The following SGK1 variants were observed in gnomAD, a reference collection of about 807,000 sequenced individuals.
SGK1 encodes the protein serine/threonine-protein kinase Sgk1.
In SGK1, 26 loss-of-function variants were observed where a neutral mutation model predicts 64.2. That is an observed-to-expected ratio of 0.40 (90% CI 0.30 to 0.56). The LOEUF (loss-of-function observed/expected upper bound fraction) is 0.56, where lower values mean the gene tolerates loss of function less well. Ranked by LOEUF, SGK1 falls within the 20% of genes least tolerant of loss-of-function variation. SGK1 has a pLI of 0.38. For missense variants in SGK1, 519 were observed against 645.6 expected (o/e 0.80, Z 2.12); for synonymous variants, 265 against 239.7 (o/e 1.11, Z -0.98).
intron 1 of SGK1, among the ~76,000 whole-genome samples, chr6:134,315,202 C>T (rs1023937553): frequency 2.0e-5 from 3 of 152,036 alleles, no homozygotes; most frequent in Non-Finnish European, 4.4e-5. Context: ...GTGGAATAAA[C>T]CAAAGTAGAC....
chr6:134,213,226 T>G (rs1775920380), intron 2 of SGK1, among the ~76,000 whole-genome samples: 1 of 152,120 alleles, frequency 6.6e-6, no homozygotes, highest in Admixed American at 6.6e-5. Flanking sequence ...AAATTTATTA[T>G]CAGATAAAGT....
chr6:134,299,683 TA>T (rs909975422), intron 1 of SGK1, among the ~76,000 whole-genome samples: 11 of 150,870 alleles, frequency 7.3e-5, no homozygotes, highest in Non-Finnish European at 1.3e-4. Context: ...GTAAACCACT[TA>T]AAAAAAAAGA....
intron 3 of SGK1, among the ~76,000 whole-genome samples, chr6:134,190,081 C>G (rs1775484640): frequency 6.6e-6 from 1 of 152,168 alleles, no homozygotes; most frequent in African/African-American, 2.4e-5. Flanking sequence ...AACTCCTGAC[C>G]TCAAGTGATC....
chr6:134,180,148 C>G (rs1232799905), intron 3 of SGK1: 3 of 152,202 alleles, frequency 2.0e-5, no homozygotes, highest in Non-Finnish European at 4.4e-5. Flanking sequence ...GACACATGGT[C>G]TCACTGTGTT....
At chr6:134,180,978 A>G (rs557585847) in intron 3 of SGK1, among the ~76,000 whole-genome samples, 34 of 152,292 alleles carry the variant, frequency 2.2e-4, no homozygotes, top group Admixed American at 2.0e-3. Context: ...TTAATTTGCA[A>G]TGATAAAATG....
chr6:134,286,680 G>A (rs565070143), intron 1 of SGK1, among the ~76,000 whole-genome samples: 2 of 151,982 alleles, frequency 1.3e-5, no homozygotes, highest in African/African-American at 4.8e-5. Context: ...TGTTAGCCAG[G>A]ATGGTCTCAA....
At chr6:134,258,521 A>G (rs1484159538) in intron 2 of SGK1, among the ~76,000 whole-genome samples, 1 of 152,172 alleles carries the variant, frequency 6.6e-6, no homozygotes, top group Non-Finnish European at 1.5e-5. Flanking sequence ...CCTTGCCAAC[A>G]TGGTGAAACT....
chr6:134,172,946 G>T, intron 8 of SGK1, 77 bp downstream of exon 8: 1 of 1,518,700 alleles, frequency 6.6e-7, no homozygotes, highest in Non-Finnish European at 9.0e-7. Flanking sequence ...AAAAATCTTT[G>T]AAAACTTTTT....
At chr6:134,269,277 A>AT (rs71838612) in intron 1 of SGK1, among the ~76,000 whole-genome samples, 2,180 of 139,600 alleles carry the variant, frequency 0.016, 115 homozygotes, top group African/African-American at 0.039. Flanking sequence ...CCAAACAGGC[A>AT]TTTTTTTTTT....
At chr6:134,193,687 C>G (rs1775550011) in intron 3 of SGK1, among the ~76,000 whole-genome samples, 1 of 147,634 alleles carries the variant, frequency 6.8e-6, no homozygotes, top group Non-Finnish European at 1.5e-5. Context: ...CACTCAGTCA[C>G]CTGGCTGGAG....
intron 2 of SGK1, among the ~76,000 whole-genome samples, chr6:134,232,376 C>A (rs552112774): frequency 2.8e-4 from 29 of 103,012 alleles, no homozygotes; most frequent in African/African-American, 1.1e-3. Flanking sequence ...TAGAGCAAGA[C>A]TCTGTCTCAA....
intron 2 of SGK1, among the ~76,000 whole-genome samples, chr6:134,249,124 A>G (rs901162965): frequency 9.9e-5 from 15 of 152,190 alleles, no homozygotes; most frequent in Non-Finnish European, 7.3e-5. Flanking sequence ...AATCTCAAGC[A>G]TATTTATCCT....
intron 2 of SGK1, among the ~76,000 whole-genome samples, chr6:134,226,991 A>T (rs1461219833): frequency 1.3e-5 from 2 of 152,044 alleles, no homozygotes; most frequent in African/African-American, 4.8e-5. Context: ...CTCAGCCCCT[A>T]AGAAGACATT....
chr6:134,261,454 C>T (rs1006074780), intron 2 of SGK1: 2 of 232,294 alleles, frequency 8.6e-6, no homozygotes, highest in African/African-American at 4.5e-5. Flanking sequence ...TCTATGGAGA[C>T]AGTAAAAAGA....
At chr6:134,175,251 C>T (rs1171275926) in intron 3 of SGK1, among the ~76,000 whole-genome samples, 2 of 152,164 alleles carry the variant, frequency 1.3e-5, no homozygotes, top group Non-Finnish European at 2.9e-5. Context: ...CCGGCGGGTG[C>T]GCGGCGGCCA....
chr6:134,219,725 A>C (rs1582720490), intron 2 of SGK1, among the ~76,000 whole-genome samples: 5 of 141,346 alleles, frequency 3.5e-5, no homozygotes, highest in African/African-American at 1.3e-4. Flanking sequence ...GCGTCATTGC[A>C]CTCCAGCCTG....
intron 2 of SGK1, among the ~76,000 whole-genome samples, chr6:134,227,551 A>G (rs904558215): frequency 6.6e-6 from 1 of 152,384 alleles, no homozygotes; most frequent in East Asian, 1.9e-4. Context: ...TTTAAGGCAG[A>G]TATACAAACT....
At chr6:134,278,085 A>G (rs1777043808) in intron 1 of SGK1, among the ~76,000 whole-genome samples, 1 of 152,218 alleles carries the variant, frequency 6.6e-6, no homozygotes, top group African/African-American at 2.4e-5. Context: ...CGACTGTGTC[A>G]CAGATTCAAA....
intron 2 of SGK1, among the ~76,000 whole-genome samples, chr6:134,246,088 A>G (rs917529364): frequency 1.3e-5 from 2 of 152,108 alleles, no homozygotes; most frequent in Non-Finnish European, 2.9e-5. Context: ...TAGATTGGAC[A>G]CCTTATACAT....
Sources: allele counts gnomAD v4.1 joint callset (sites outside exome capture counted in the v4.1 genomes callset), GRCh38; gene constraint gnomAD v4.1.1; transcripts MANE v1.5; gene names NCBI Gene and HGNC (gene_info 2026-07-23, HGNC 2026-07-21).